SEC14L5: variants seen among roughly 807,000 people sequenced by gnomAD.
The protein encoded by SEC14L5 is SEC14-like protein 5.
Under a neutral mutation model 84.6 loss-of-function variants are expected in SEC14L5, and 96 were observed. The observed-to-expected ratio is 1.13, with a 90% CI of 0.96 to 1.34. The LOEUF (loss-of-function observed/expected upper bound fraction) is 1.34. SEC14L5 is among the 40% of genes most tolerant of loss of function. The pLI, the probability that SEC14L5 is intolerant of heterozygous loss-of-function variation, is 0.00. For synonymous variants in SEC14L5, 546 were observed against 383.4 expected, an observed-to-expected ratio of 1.42 and a Z score of -4.95; for missense variants, 1,224 against 942.5, an observed-to-expected ratio of 1.30 and a Z score of -3.91.
rs1349453584 is a variant in SEC14L5, at chr16:4,988,074, C to T, written c.214-75C>T. ...GGGCAGGGGGTGACTGGGGCAGGCCCGCCGGACTCGCTCTCCATTCCTGTG... is the reference window on the plus strand; with the variant it reads ...GGGCAGGGGGTGACTGGGGCAGGCCTGCCGGACTCGCTCTCCATTCCTGTG... On this transcript the variant is annotated intron_variant, in intron 3 of 15. Coordinates refer to ENST00000251170, the MANE Select transcript of SEC14L5 (RefSeq NM_014692.2). 5 of 1,537,234 alleles carry T rather than the reference C, an allele frequency of 3.3e-6. No individual in the cohort carries two copies. In the African/African-American group the frequency reaches 4.1e-5, roughly 13 times the overall value.
intron 6 of SEC14L5, among the ~76,000 whole-genome samples, chr16:4,996,047 C>T (rs1441398370): frequency 1.3e-5 from 2 of 152,096 alleles, no homozygotes; most frequent in Admixed American, 6.6e-5. Context: ...TGTTAAGAAT[C>T]CTTAGAACAT....
At chr16:4,962,008 T>C (rs1955127638) in intron 2 of SEC14L5, among the ~76,000 whole-genome samples, 2 of 151,820 alleles carry the variant, frequency 1.3e-5, no homozygotes, top group Admixed American at 6.6e-5. Context: ...CAATCACTTT[T>C]CATCTTCATG....
intron 6 of SEC14L5, among the ~76,000 whole-genome samples, chr16:4,992,588 G>A (rs547587530): frequency 1.3e-5 from 2 of 152,320 alleles, no homozygotes; most frequent in African/African-American, 4.8e-5. Context: ...ATTAACCTCT[G>A]GTGCCTTGAC....
intron 2 of SEC14L5, among the ~76,000 whole-genome samples, chr16:4,975,102 C>G (rs1386211592): frequency 6.6e-6 from 1 of 152,106 alleles, no homozygotes; most frequent in Non-Finnish European, 1.5e-5. Flanking sequence ...TTAGCTCTCA[C>G]TTATAAGTGA....
At chr16:4,981,401 C>T (rs536665790) in intron 2 of SEC14L5, among the ~76,000 whole-genome samples, 11 of 151,890 alleles carry the variant, frequency 7.2e-5, no homozygotes, top group South Asian at 2.1e-4. Flanking sequence ...TGTGAGCCAC[C>T]GCGCCTGGTC....
Position 4,962,852 on chromosome 16 carries a change from C to T in SEC14L5, c.63+3466C>T, listed in dbSNP as rs530995791. Among the ~76,000 whole-genome samples the T allele has an allele frequency of 3.3e-5, 5 of 152,272 alleles. No individual in the cohort carries two copies. In the East Asian group the frequency reaches 5.8e-4, roughly 18 times the overall value. The stretch of plus-strand genomic sequence containing the variant: ...AACACTGCCAACAAAGCCACTTTGC[C>T]GACTGTTTACAAAACATTATTGTCC... On this transcript the variant is annotated intron_variant, in intron 2 of 15. Coordinates refer to ENST00000251170, the MANE Select transcript of SEC14L5 (RefSeq NM_014692.2).
At chr16:4,970,165 A>T (rs555066460) in intron 2 of SEC14L5, among the ~76,000 whole-genome samples, 1 of 151,940 alleles carries the variant, frequency 6.6e-6, no homozygotes, top group East Asian at 1.9e-4. Context: ...AGCATAGTCT[A>T]TTGGGGGAGG....
intron 8 of SEC14L5, among the ~76,000 whole-genome samples, chr16:4,998,361 C>T (rs1285241159): frequency 6.6e-6 from 1 of 151,990 alleles, no homozygotes. Flanking sequence ...CGATTCCACC[C>T]ATTACAAATA....
At position 5,000,727 on chromosome 16, in the gene SEC14L5, A is replaced by T. The variant is rs1568140368; in HGVS notation, c.1043A>T (p.Glu348Val). 3.9e-6 allele frequency: 6 copies of T among 1,552,428 alleles called. No homozygotes were observed. The highest frequency in any genetic ancestry group is 5.2e-6 in the Non-Finnish European group (6 of 1,147,730). Residue 348 changes from glutamate to valine, a missense_variant, in exon 9 of 16, where the codon GAG becomes GTG. Physicochemically the swap from Glu to Val is moderately radical, Grantham distance 121. Transcript: ENST00000251170. ...GGCTTGATGAAGGCCGTGGGGGAGG[A>T]GGCGCTGCTGCGGCATGTGAGTCAG... The part of the protein sequence containing the change: ...TKGLMKAVGE[E>V]ALLRHVLSVN...
intron 14 of SEC14L5, 103 bp from the exon 15 acceptor site, chr16:5,010,992 C>T (rs1955792943): frequency 8.8e-7 from 1 of 1,133,852 alleles, no homozygotes; most frequent in Non-Finnish European, 1.2e-6. Context: ...GGGAGAAGAG[C>T]CCCAATTTCC....
Position 4,988,193 on chromosome 16 carries a change from G to A in SEC14L5, c.258G>A (p.Leu86=). The change falls in exon 4 of 16, where the codon TTG becomes TTA. Residue 86 remains leucine (L), a synonymous_variant. Coordinates refer to ENST00000251170, the MANE Select transcript of SEC14L5 (RefSeq NM_014692.2). The part of the protein sequence containing the change: ...EHVVFVQTNI[L]NWKERTLLIE... ...TGGTCTTCGTGCAGACAAACATCTT[G>A]AACTGGAAGGAGAGGACGCTCCTCA... 2 of 1,609,498 alleles carry A rather than the reference G, an allele frequency of 1.2e-6. No individual in the cohort carries two copies. Among genetic ancestry groups the A allele is most frequent in the Non-Finnish European group, 1.7e-6 (2 of 1,177,160 alleles).
intron 2 of SEC14L5, among the ~76,000 whole-genome samples, chr16:4,986,287 C>T (rs560446896): frequency 6.6e-6 from 1 of 152,114 alleles, no homozygotes; most frequent in East Asian, 1.9e-4. Context: ...TTACAGGCAC[C>T]TGCCACCACG....
chr16:4,959,314 C>T lies in SEC14L5; in HGVS notation c.-10C>T, dbSNP rs1955090523. On this transcript the variant is annotated 5_prime_UTR_variant, in exon 2 of 16. Coordinates refer to ENST00000251170, the MANE Select transcript of SEC14L5 (RefSeq NM_014692.2). ...TGCCTGGTGACCTCCATTGGTGCTC[C>T]AGCGTGAACATGGTGCAAAGATACC... 6 of 1,612,828 alleles carry T rather than the reference C, an allele frequency of 3.7e-6. No individual in the cohort carries two copies. Among genetic ancestry groups the T allele is most frequent in the Non-Finnish European group, 5.1e-6 (6 of 1,178,872 alleles).
rs1200668708 is a variant in SEC14L5, at chr16:4,959,248, C to A, written c.-51-25C>A. ...CTGCTTCCCGAGGTGGGAGCTGCAACCTCACCAGTCACTCCTCGCCCCAGG... is the reference window on the plus strand; with the variant it reads ...CTGCTTCCCGAGGTGGGAGCTGCAAACTCACCAGTCACTCCTCGCCCCAGG... On this transcript the variant is annotated intron_variant, in intron 1 of 15. Transcript: ENST00000251170. The A allele has an allele frequency of 1.3e-5, 15 of 1,193,548 alleles. 1 individual carries two copies. In the Middle Eastern group the frequency reaches 5.6e-4, roughly 45 times the overall value. 73.9% of individuals were successfully genotyped at this position (1,193,548 alleles called of 1,614,324 possible).
At chr16:4,998,833 C>T (rs1477866424) in intron 8 of SEC14L5, among the ~76,000 whole-genome samples, 2 of 150,950 alleles carry the variant, frequency 1.3e-5, no homozygotes, top group Non-Finnish European at 2.9e-5. Flanking sequence ...GGCATGGTTT[C>T]TCTTAACGAT....
rs922235779 is a variant in SEC14L5 at position 5,017,918 on chromosome 16, C to T, written c.*2948C>T. 6.6e-6 allele frequency: 1 copy of T among 152,226 alleles called. No homozygotes were observed. The highest frequency in any genetic ancestry group is 1.9e-4 in the East Asian group (1 of 5,202). The allele number at this position is 152,226 out of a possible 1,614,324, so 9.4% of individuals were successfully genotyped here. A position where few individuals can be genotyped will look rare whatever the true frequency, so the allele number is the denominator to read the frequency against. On this transcript the variant is annotated 3_prime_UTR_variant, in exon 16 of 16. Transcript: ENST00000251170. ...AAGGCTGGAAGTGCCTTGGCTTGGG[C>T]TTCTTGCATCATTAGTTCATTAATC...
chr16:5,011,080 G>A lies in SEC14L5; in HGVS notation c.1801-15G>A, dbSNP rs775607543. 6.3e-7 allele frequency: 1 copy of A among 1,582,154 alleles called. No individual in the cohort carries two copies. The highest frequency in any genetic ancestry group is 1.3e-5 in the African/African-American group (1 of 74,126). ...GGAGGGCGCAGGGCCTCAGGGCAGG[G>A]CTGATGTGTTTCAGGGCTCCCATGT... On this transcript the variant is annotated splice_polypyrimidine_tract_variant and intron_variant, in intron 14 of 15. Coordinates refer to ENST00000251170, the MANE Select transcript of SEC14L5 (RefSeq NM_014692.2).
chr16:4,962,686 C>CAAAAAA (rs761644374), intron 2 of SEC14L5, among the ~76,000 whole-genome samples: 2 of 81,262 alleles, frequency 2.5e-5, no homozygotes, highest in African/African-American at 4.2e-5. Context: ...AACTCTGTCT[C>CAAAAAA]AAAAAAAAAA....
intron 11 of SEC14L5, among the ~76,000 whole-genome samples, chr16:5,005,043 G>T (rs1229061905): frequency 6.6e-6 from 1 of 152,246 alleles, no homozygotes; most frequent in Non-Finnish European, 1.5e-5. Context: ...GGGCGAGGTG[G>T]CTCACGCCTG....
Sources: allele counts gnomAD v4.1 joint callset (sites outside exome capture counted in the v4.1 genomes callset), GRCh38; gene constraint gnomAD v4.1.1; transcripts MANE v1.5; gene names NCBI Gene and HGNC (gene_info 2026-07-23, HGNC 2026-07-21).